The following HS6ST3 variants were observed in gnomAD, a reference collection of about 807,000 sequenced individuals.
HS6ST3 encodes heparan-sulfate 6-O-sulfotransferase 3.
Under a neutral mutation model 36.7 loss-of-function variants are expected in HS6ST3, and 12 were observed. The ratio of observed to expected loss-of-function variants is 0.33; its 90% confidence interval spans 0.21 to 0.53. The LOEUF (loss-of-function observed/expected upper bound fraction) is 0.53, where lower values mean the gene tolerates loss of function less well. Among genes scored for constraint, HS6ST3 ranks in the 20% least tolerant of loss-of-function variants. HS6ST3 has a pLI of 0.95. For missense variants in HS6ST3, 584 were observed against 640.9 expected, an observed-to-expected ratio of 0.91 and a Z score of 0.96; for synonymous variants, 240 against 257.5, an observed-to-expected ratio of 0.93 and a Z score of 0.65.
At chr13:96,224,145 C>A (rs1003448425) in intron 1 of HS6ST3, among the ~76,000 whole-genome samples, 9 of 152,100 alleles carry the variant, frequency 5.9e-5, no homozygotes, top group African/African-American at 2.2e-4. Context: ...TCGAGATGTT[C>A]TAATTTCCGA....
At chr13:96,656,903 T>C (rs1222375258) in intron 1 of HS6ST3, among the ~76,000 whole-genome samples, 1 of 151,788 alleles carries the variant, frequency 6.6e-6, no homozygotes, top group African/African-American at 2.4e-5. Context: ...CCAGATGCAG[T>C]TTGTCAAAAC....
intron 1 of HS6ST3, among the ~76,000 whole-genome samples, chr13:96,276,780 G>A (rs2054750607): frequency 6.6e-6 from 1 of 152,122 alleles, no homozygotes; most frequent in Admixed American, 6.6e-5. Flanking sequence ...ATCATCTGGG[G>A]TGATTTATAG....
intron 1 of HS6ST3, among the ~76,000 whole-genome samples, chr13:96,756,441 G>T (rs754837628): frequency 5.3e-5 from 8 of 152,102 alleles, no homozygotes; most frequent in Non-Finnish European, 1.2e-4. Context: ...AATTAGGGTT[G>T]TGGGAATATT....
At chr13:96,734,078 G>T (rs1177577507) in intron 1 of HS6ST3, among the ~76,000 whole-genome samples, 3 of 152,066 alleles carry the variant, frequency 2.0e-5, no homozygotes, top group Non-Finnish European at 4.4e-5. Context: ...ATTTCTAACT[G>T]CCCTTGAAAT....
At chr13:96,295,110 A>G (rs934712337) in intron 1 of HS6ST3, among the ~76,000 whole-genome samples, 12 of 152,226 alleles carry the variant, frequency 7.9e-5, no homozygotes, top group African/African-American at 2.9e-4. Flanking sequence ...TGATCAACGA[A>G]TGGGCTTTAC....
chr13:96,479,526 A>T lies in HS6ST3; in HGVS notation c.708-352964A>T, dbSNP rs74106471. Among the ~76,000 whole-genome samples, 1,239 of 152,266 alleles carry T rather than the reference A, an allele frequency of 8.1e-3. 20 individuals carry two copies. The highest frequency in any genetic ancestry group is 0.028 in the African/African-American group (1,175 of 41,544). On this transcript the variant is annotated intron_variant, in intron 1 of 1. Transcript: ENST00000376705. Reference sequence around the variant, plus strand: ...TGTACAGGAAAATGGATTAGAATGGATTGAGAGGCAGGGAGAGCTGTCCCA... The same window carrying T: ...TGTACAGGAAAATGGATTAGAATGGTTTGAGAGGCAGGGAGAGCTGTCCCA...
At chr13:96,662,915 G>A (rs997158965) in intron 1 of HS6ST3, among the ~76,000 whole-genome samples, 2 of 152,160 alleles carry the variant, frequency 1.3e-5, no homozygotes, top group Non-Finnish European at 2.9e-5. Context: ...ATAATAGCCA[G>A]CAATGGTAGA....
chr13:96,233,174 T>C (rs1055310748), intron 1 of HS6ST3, among the ~76,000 whole-genome samples: 19 of 152,278 alleles, frequency 1.2e-4, no homozygotes, highest in Middle Eastern at 3.4e-3. Context: ...AACAAAAAAA[T>C]TACAATAAAA....
chr13:96,289,077 A>C (rs1357939503), intron 1 of HS6ST3, among the ~76,000 whole-genome samples: 4 of 152,070 alleles, frequency 2.6e-5, no homozygotes, highest in African/African-American at 7.2e-5. Flanking sequence ...TAAAATACTT[A>C]GGTTTAATTT....
chr13:96,500,514 A>G (rs879466565), intron 1 of HS6ST3, among the ~76,000 whole-genome samples: 7 of 152,290 alleles, frequency 4.6e-5, no homozygotes, highest in African/African-American at 1.7e-4. Context: ...AGCCAAAGGT[A>G]TACGTGGGGG....
rs1372790239 is a variant in HS6ST3, at chr13:96,748,678, A to G, written c.708-83812A>G. ...AGCTTCATTGAGTGACTATGCCTCA[A>G]TGAAGTGTCACTTGAGTGCTTGAAG... On this transcript the variant is annotated intron_variant, in intron 1 of 1. Transcript: ENST00000376705. 2.6e-5 allele frequency among the ~76,000 whole-genome samples: 4 copies of G among 152,096 alleles called. No homozygotes were observed. In the East Asian group the frequency reaches 5.8e-4, roughly 22 times the overall value.
intron 1 of HS6ST3, among the ~76,000 whole-genome samples, chr13:96,348,904 A>G (rs992750783): frequency 6.6e-6 from 1 of 152,226 alleles, no homozygotes; most frequent in Non-Finnish European, 1.5e-5. Flanking sequence ...GCTGAGTTTT[A>G]CTAATCACAT....
intron 1 of HS6ST3, among the ~76,000 whole-genome samples, chr13:96,452,469 A>G (rs2055732933): frequency 6.6e-6 from 1 of 152,220 alleles, no homozygotes; most frequent in Non-Finnish European, 1.5e-5. Context: ...CAAATTAAAT[A>G]TGCAATCACA....
At chr13:96,683,632 A>C (rs897265401) in intron 1 of HS6ST3, among the ~76,000 whole-genome samples, 1 of 152,072 alleles carries the variant, frequency 6.6e-6, no homozygotes, top group Non-Finnish European at 1.5e-5. Flanking sequence ...CTTTGTTGTA[A>C]AATGATCATC....
At chr13:96,384,255 A>T (rs1247594804) in intron 1 of HS6ST3, among the ~76,000 whole-genome samples, 1 of 151,940 alleles carries the variant, frequency 6.6e-6, no homozygotes, top group Non-Finnish European at 1.5e-5. Context: ...TTATTTTATT[A>T]TTTTATTTTA....
intron 1 of HS6ST3, among the ~76,000 whole-genome samples, chr13:96,135,023 C>A (rs1436136290): frequency 6.6e-6 from 1 of 152,174 alleles, no homozygotes; most frequent in Non-Finnish European, 1.5e-5. Context: ...CGCCACATTA[C>A]TGAAAGAAGA....
At chr13:96,143,716 C>T (rs937535648) in intron 1 of HS6ST3, among the ~76,000 whole-genome samples, 9 of 152,036 alleles carry the variant, frequency 5.9e-5, no homozygotes, top group Non-Finnish European at 1.2e-4. Context: ...ATTAAGTTCA[C>T]TTCTGATTGT....
chr13:96,596,250 A>C (rs2056401052), intron 1 of HS6ST3, among the ~76,000 whole-genome samples: 1 of 152,166 alleles, frequency 6.6e-6, no homozygotes, highest in Non-Finnish European at 1.5e-5. Context: ...CTCCAGCTCC[A>C]TCCAAGTTGC....
intron 1 of HS6ST3, among the ~76,000 whole-genome samples, chr13:96,806,241 T>A (rs1382679436): frequency 2.0e-5 from 3 of 152,198 alleles, no homozygotes; most frequent in Non-Finnish European, 4.4e-5. Flanking sequence ...CCTGAATTGT[T>A]TCAAAGCCCC....
Sources: allele counts gnomAD v4.1 joint callset (sites outside exome capture counted in the v4.1 genomes callset), GRCh38; gene constraint gnomAD v4.1.1; transcripts MANE v1.5; gene names NCBI Gene and HGNC (gene_info 2026-07-23, HGNC 2026-07-21).